The following BABAM2 variants were observed in gnomAD, a reference collection of about 807,000 sequenced individuals.
The protein encoded by BABAM2 is BRISC and BRCA1 A complex member 2, also known as BRISC and BRCA1-A complex member 2.
A neutral mutation model predicts 54.7 loss-of-function variants in BABAM2; 31 were observed. The observed-to-expected ratio is 0.57, with a 90% CI of 0.43 to 0.77. BABAM2 has a LOEUF of 0.77. Among genes scored for constraint, BABAM2 ranks in the 30% least tolerant of loss-of-function variants. The pLI is 0.00. For synonymous variants in BABAM2, 167 were observed against 162.9 expected (o/e 1.03, Z -0.19); for missense variants, 364 against 455.8 (o/e 0.80, Z 1.83).
chr2:28,046,995 G>A lies in BABAM2; in HGVS notation c.570+1196G>A, dbSNP rs1677631986. On this transcript the variant is annotated intron_variant, in intron 6 of 11. Transcript: ENST00000379624. ...TCCTCCCACCTCACCCTCCCAAAAT[G>A]TTGGGATTATAGGTGTGAGCCACTG... Among the ~76,000 whole-genome samples the A allele has an allele frequency of 2.0e-5, 3 of 152,050 alleles. No homozygotes were observed. The South Asian group carries it at 6.2e-4, about 32-fold the overall frequency.
At chr2:28,041,555 A>T (rs1344504415) in intron 5 of BABAM2, among the ~76,000 whole-genome samples, 2 of 152,182 alleles carry the variant, frequency 1.3e-5, no homozygotes, top group Non-Finnish European at 2.9e-5. Context: ...TGCTCATACC[A>T]TGGAGGAGAG....
chr2:28,058,819 A>G (rs1371899499), intron 6 of BABAM2, among the ~76,000 whole-genome samples: 1 of 152,084 alleles, frequency 6.6e-6, no homozygotes, highest in East Asian at 1.9e-4. Context: ...TGTATTTTGT[A>G]TGTGTTTTAA....
At chr2:27,955,331 AG>A (rs1371731868) in intron 3 of BABAM2, among the ~76,000 whole-genome samples, 1 of 152,218 alleles carries the variant, frequency 6.6e-6, no homozygotes, top group Admixed American at 6.5e-5. Context: ...ATACTTTGCT[AG>A]GAAGTGCAGC....
intron 3 of BABAM2, among the ~76,000 whole-genome samples, chr2:27,931,421 A>G (rs1157840492): frequency 1.3e-5 from 2 of 152,138 alleles, no homozygotes; most frequent in Non-Finnish European, 2.9e-5. Flanking sequence ...TCTTTAAATA[A>G]TATACTTTTG....
chr2:28,156,382 A>T (rs866332305), intron 7 of BABAM2, among the ~76,000 whole-genome samples: 3 of 152,124 alleles, frequency 2.0e-5, no homozygotes, highest in African/African-American at 7.2e-5. Context: ...TAATTGGGAG[A>T]TTCTTGAGAC....
intron 6 of BABAM2, among the ~76,000 whole-genome samples, chr2:28,120,199 C>T (rs960281906): frequency 5.9e-5 from 9 of 152,146 alleles, no homozygotes; most frequent in African/African-American, 2.2e-4. Flanking sequence ...ATACTTTTAA[C>T]CTATTTTGAA....
At chr2:28,316,070 C>T (rs1005405918) in intron 11 of BABAM2, among the ~76,000 whole-genome samples, 2 of 152,146 alleles carry the variant, frequency 1.3e-5, no homozygotes, top group Admixed American at 6.5e-5. Flanking sequence ...TGTCCAGTTA[C>T]ACTTAAATTT....
intron 6 of BABAM2, among the ~76,000 whole-genome samples, chr2:28,058,108 C>T (rs150662092): frequency 0.011 from 1,609 of 151,396 alleles, 23 homozygotes; most frequent in African/African-American, 0.037. Context: ...CACGCTACTG[C>T]ATTCCAGCCT....
At chr2:27,988,481 G>A (rs1484597939) in intron 4 of BABAM2, among the ~76,000 whole-genome samples, 8 of 152,098 alleles carry the variant, frequency 5.3e-5, no homozygotes, top group African/African-American at 1.7e-4. Context: ...TCAAGGAGCC[G>A]TTTTTATATA....
intron 5 of BABAM2, among the ~76,000 whole-genome samples, chr2:28,038,203 C>G (rs1272260098): frequency 2.0e-5 from 3 of 152,074 alleles, no homozygotes; most frequent in Admixed American, 2.0e-4. Context: ...TGCTTTTCTT[C>G]TTTAGACTTT....
At chr2:28,147,695 G>A (rs1347153060) in intron 7 of BABAM2, among the ~76,000 whole-genome samples, 1 of 152,064 alleles carries the variant, frequency 6.6e-6, no homozygotes, top group Non-Finnish European at 1.5e-5. Context: ...GGATGGTCTC[G>A]ATCTCCTGAC....
At chr2:28,205,147 G>A (rs1252954382) in intron 7 of BABAM2, among the ~76,000 whole-genome samples, 1 of 152,002 alleles carries the variant, frequency 6.6e-6, no homozygotes, top group East Asian at 1.9e-4. Context: ...CTCTCCCATT[G>A]ATATAGGGAA....
chr2:27,973,644 T>G (rs1228242720), intron 3 of BABAM2, among the ~76,000 whole-genome samples: 1 of 151,960 alleles, frequency 6.6e-6, no homozygotes, highest in South Asian at 2.1e-4. Flanking sequence ...GGAGGCAGAG[T>G]ACGGGGGAAA....
intron 7 of BABAM2, among the ~76,000 whole-genome samples, chr2:28,138,823 T>C (rs1558375443): frequency 6.6e-6 from 1 of 152,178 alleles, no homozygotes; most frequent in Non-Finnish European, 1.5e-5. Flanking sequence ...GTCTCTCATG[T>C]TCATCTCCTC....
At chr2:28,057,980 G>GA (rs1438286022) in intron 6 of BABAM2, among the ~76,000 whole-genome samples, 3 of 152,042 alleles carry the variant, frequency 2.0e-5, no homozygotes, top group Admixed American at 1.3e-4. Context: ...CGTCTCTACT[G>GA]AAAATGCAAA....
At chr2:28,275,104 G>A (rs1685758873) in intron 10 of BABAM2, among the ~76,000 whole-genome samples, 1 of 152,184 alleles carries the variant, frequency 6.6e-6, no homozygotes. Context: ...AGGCTTTGCA[G>A]TCCATTTCCT....
intron 7 of BABAM2, among the ~76,000 whole-genome samples, chr2:28,219,540 A>G (rs12616207): frequency 0.62 from 94,419 of 151,946 alleles, 31,740 homozygotes; most frequent in East Asian, 0.99. Context: ...AGGGTAAAAA[A>G]TTCATAGCTT....
chr2:27,943,489 A>T (rs569189813), intron 3 of BABAM2, among the ~76,000 whole-genome samples: 5 of 152,284 alleles, frequency 3.3e-5, no homozygotes, highest in Non-Finnish European at 5.9e-5. Context: ...GAATAATAAA[A>T]TAGCCTGTCT....
In BABAM2 at chr2:28,338,468, T is replaced by C; in HGVS notation, c.1107T>C (p.Phe369=). 1.2e-6 allele frequency: 2 copies of C among 1,614,188 alleles called. No homozygotes were observed. Among genetic ancestry groups the C allele is most frequent in the Admixed American group, 3.3e-5 (2 of 60,032 alleles). The part of the protein sequence containing the change: ...AKRAKAYFKT[F]VPQFQEAAFA... ...CCACCAGGGCTTATTTCAAAACCTTTGTCCCTCAGTTCCAGGAGGCAGCAT... is the reference window on the plus strand; with the variant it reads ...CCACCAGGGCTTATTTCAAAACCTTCGTCCCTCAGTTCCAGGAGGCAGCAT... The change falls in exon 12 of 12, where the codon TTT becomes TTC. Residue 369 remains phenylalanine (F), a synonymous_variant. Coordinates refer to ENST00000379624, the MANE Select transcript of BABAM2 (RefSeq NM_199191.3).
Sources: gnomAD v4.1 joint callset for allele counts (sites outside exome capture counted in the v4.1 genomes callset) on GRCh38, gnomAD v4.1.1 for gene constraint, MANE v1.5 for transcripts, NCBI Gene and HGNC (gene_info 2026-07-23, HGNC 2026-07-21) for gene names.